The following BCAR3 variants were observed in gnomAD, a reference collection of about 807,000 sequenced individuals.
BCAR3 encodes the protein BCAR3 adaptor protein, NSP family member.
A neutral mutation model predicts 80.1 loss-of-function variants in BCAR3; 37 were observed. The ratio of observed to expected loss-of-function variants is 0.46; its 90% CI spans 0.36 to 0.61. The LOEUF is 0.61. BCAR3 is among the 20% of genes least tolerant of loss of function. The pLI is 0.00. For synonymous variants in BCAR3, 389 were observed against 418.9 expected, an observed-to-expected ratio of 0.93 and a Z score of 0.87; for missense variants, 978 against 1,068.2, an observed-to-expected ratio of 0.92 and a Z score of 1.18.
chr1:93,592,120 T>A lies in BCAR3; in HGVS notation c.486+145A>T. The stretch of plus-strand genomic sequence containing the variant: ...CCCAAGGTCTTCTTAGAGAAGGGTC[T>A]AAATGAAGTCATTTTTAGAGTATTT... On this transcript the variant is annotated intron_variant, in intron 4 of 11. Coordinates refer to ENST00000260502, the MANE Select transcript of BCAR3 (RefSeq NM_003567.4). This position sits in a 1 kb window ranked among gnomAD's most constrained non-coding sequence, Gnocchi z 4.8. The A allele has an allele frequency of 8.3e-7, 1 of 1,201,352 alleles. No homozygotes were observed. Among genetic ancestry groups the A allele is most frequent in the Non-Finnish European group, 1.1e-6 (1 of 875,310 alleles). 74.4% of individuals were successfully genotyped at this position (1,201,352 alleles called of 1,614,324 possible).
intron 3 of BCAR3, among the ~76,000 whole-genome samples, chr1:93,688,513 T>C (rs1051742755): frequency 6.6e-6 from 1 of 152,216 alleles, no homozygotes; most frequent in African/African-American, 2.4e-5. Context: ...TTTCCTCATT[T>C]ACACAGCTTT....
At chr1:93,827,789 G>A (rs1463348609) in intron 2 of BCAR3, among the ~76,000 whole-genome samples, 1 of 151,962 alleles carries the variant, frequency 6.6e-6, no homozygotes, top group Non-Finnish European at 1.5e-5. Flanking sequence ...ATGTAGGGGA[G>A]AGAGAGAGAA....
chr1:93,790,005 G>C (rs758726715), intron 2 of BCAR3, among the ~76,000 whole-genome samples: 21 of 152,170 alleles, frequency 1.4e-4, no homozygotes, highest in Non-Finnish European at 2.4e-4. Flanking sequence ...CATTTGGTCA[G>C]AAGTAGAGGA....
intron 3 of BCAR3, among the ~76,000 whole-genome samples, chr1:93,698,908 G>A (rs1015657211): frequency 1.3e-5 from 2 of 152,206 alleles, no homozygotes; most frequent in African/African-American, 4.8e-5. Context: ...TTATAGCCTT[G>A]TTCTGAAAGC....
chr1:93,607,592 C>G (rs1674812340), intron 3 of BCAR3, among the ~76,000 whole-genome samples: 1 of 151,922 alleles, frequency 6.6e-6, no homozygotes, highest in African/African-American at 2.4e-5. Flanking sequence ...AAGCCACTTG[C>G]TGGGTCCCCA....
At chr1:93,777,946 C>T (rs530564963) in intron 2 of BCAR3, among the ~76,000 whole-genome samples, 1 of 152,246 alleles carries the variant, frequency 6.6e-6, no homozygotes, top group South Asian at 2.1e-4. Flanking sequence ...TGTGAATTTC[C>T]AACAGAATTC....
chr1:93,579,387 A>T (rs1322141900), intron 7 of BCAR3, among the ~76,000 whole-genome samples: 1 of 152,182 alleles, frequency 6.6e-6, no homozygotes, highest in Admixed American at 6.5e-5. Flanking sequence ...AGAGACAGGG[A>T]AGAAGGAAGT....
chr1:93,812,499 C>T (rs1232073297), intron 2 of BCAR3, among the ~76,000 whole-genome samples: 2 of 152,200 alleles, frequency 1.3e-5, no homozygotes, highest in Admixed American at 6.5e-5. Context: ...CCTTTCTGCC[C>T]ACCATTTCCC....
chr1:93,722,877 C>T (rs188226840), intron 2 of BCAR3, among the ~76,000 whole-genome samples: 1 of 152,040 alleles, frequency 6.6e-6, no homozygotes, highest in South Asian at 2.1e-4. Context: ...CAGGATTAGG[C>T]CCCTGAGAGT....
At position 93,738,381 on chromosome 1, in the gene BCAR3, T is replaced by C. The variant is rs1044428267; in HGVS notation, c.-62-32239A>G. The stretch of plus-strand genomic sequence containing the variant: ...AAATTGAGGAGAATAACTTGTCTAA[T>C]AGGCATTCCCAAGCCACAGTTACCA... On this transcript the variant is annotated intron_variant, in intron 2 of 13. Coordinates refer to the BCAR3 transcript ENST00000370244. 7.2e-5 allele frequency among the ~76,000 whole-genome samples: 11 copies of C among 152,362 alleles called. No individual in the cohort carries two copies. In the South Asian group the frequency reaches 1.2e-3, roughly 17 times the overall value.
In BCAR3 at chr1:93,630,949, G is replaced by A. The variant is rs374564564; in HGVS notation, c.357+11355C>T. 3.0e-4 allele frequency among the ~76,000 whole-genome samples: 46 copies of A among 152,302 alleles called. No individual in the cohort carries two copies. The South Asian group carries it at 5.2e-3, about 17-fold the overall frequency. ...ATACAACCAAGAAACGGCTAAAACC[G>A]GGCTCTGGATTTGTATTAGTTTCCA... is the stretch of plus-strand genomic sequence containing the variant. On this transcript the variant is annotated intron_variant, in intron 3 of 11. Transcript: ENST00000260502.
intron 2 of BCAR3, among the ~76,000 whole-genome samples, chr1:93,718,514 A>G (rs1329618508): frequency 2.0e-5 from 3 of 152,104 alleles, no homozygotes; most frequent in Non-Finnish European, 4.4e-5. Context: ...GTGGCCTTAC[A>G]TGCACTACTT....
rs569116094 is a variant in BCAR3, at chr1:93,774,430, G to A, written c.-62-68288C>T. On this transcript the variant is annotated intron_variant, in intron 2 of 13. Coordinates refer to the BCAR3 transcript ENST00000370244. ...ACCCAGGAGGCAGAGGTTGCAGTGA[G>A]CCGAGATCGGACCACTGCACTCCAG... Among the ~76,000 whole-genome samples the A allele has an allele frequency of 8.0e-5, 12 of 150,612 alleles. No individual in the cohort carries two copies. In the East Asian group the frequency reaches 2.4e-3, roughly 30 times the overall value.
intron 2 of BCAR3, among the ~76,000 whole-genome samples, chr1:93,725,089 C>G (rs1319396198): frequency 6.6e-6 from 1 of 152,238 alleles, no homozygotes. Context: ...GCACTCGTCG[C>G]TTCCCACTAC....
At position 93,567,424 on chromosome 1, in the gene BCAR3, C is replaced by G. The variant is rs143581051; in HGVS notation, c.2154G>C (p.Glu718Asp). 1.9e-6 allele frequency: 3 copies of G among 1,614,166 alleles called. No homozygotes were observed. The African/African-American group carries it at 4.0e-5, about 22-fold the overall frequency. ...PLLMPLVTLMERQAVTFEGTD... is the reference protein window; with the variant it reads ...PLLMPLVTLMDRQAVTFEGTD... ...TTCCTTCAAAAGTCACAGCCTGGCG[C>G]TCCATTAACGTCACAAGCGGCATCA... Residue 718 changes from glutamate to aspartate, a missense_variant, in exon 11 of 12, where the codon GAG (glutamate) becomes GAC (aspartate). By Grantham distance (45) the Glu-to-Asp change is conservative. Coordinates refer to ENST00000260502, the MANE Select transcript of BCAR3 (RefSeq NM_003567.4).
rs530960070 is a variant in BCAR3 at position 93,571,146 on chromosome 1, A to G, written c.1974+524T>C. On this transcript the variant is annotated intron_variant, in intron 9 of 11. Coordinates refer to ENST00000260502, the MANE Select transcript of BCAR3 (RefSeq NM_003567.4). ...TTGAACCCAGGAGACAGAGGTTGCA[A>G]TGAGCCAAGATCACACCATTGTACT... Among the ~76,000 whole-genome samples the G allele has an allele frequency of 1.1e-4, 17 of 150,914 alleles. No individual in the cohort carries two copies. The South Asian group carries it at 2.5e-3, about 22-fold the overall frequency.
At chr1:93,646,236 T>G (rs1480716421) in intron 2 of BCAR3, among the ~76,000 whole-genome samples, 2 of 152,224 alleles carry the variant, frequency 1.3e-5, no homozygotes, top group South Asian at 2.1e-4. Flanking sequence ...AATGTTTTCC[T>G]GTAATTCTTA....
Position 93,582,828 on chromosome 1 carries a change from T to G in BCAR3, c.1159A>C (p.Arg387=). Residue 387 remains arginine, a synonymous_variant, in exon 7 of 12, where the codon AGG becomes CGG. Coordinates refer to ENST00000260502, the MANE Select transcript of BCAR3 (RefSeq NM_003567.4). The stretch of plus-strand genomic sequence containing the variant: ...GATCCCCTCAGCGCCTCCCCAGCCC[T>G]GGCGTCTGAGGAGACCCTCCGAACC... ...AVVRRVSSDA[R]AGEALRGSDS... The G allele has an allele frequency of 6.2e-7, 1 of 1,613,910 alleles. No individual in the cohort carries two copies.
intron 3 of BCAR3, among the ~76,000 whole-genome samples, chr1:93,595,721 G>A (rs1324153957): frequency 6.6e-6 from 1 of 152,244 alleles, no homozygotes; most frequent in Non-Finnish European, 1.5e-5. Context: ...CCACAGGTTA[G>A]TGAGAGGTGA....
Sources: allele counts gnomAD v4.1 joint callset (sites outside exome capture counted in the v4.1 genomes callset), GRCh38; gene constraint gnomAD v4.1.1; non-coding constraint Gnocchi (gnomAD v3.1); transcripts MANE v1.5; gene names NCBI Gene and HGNC (gene_info 2026-07-23, HGNC 2026-07-21).